STIM1: variants seen among roughly 807,000 people sequenced by gnomAD.
The protein encoded by STIM1 is stromal interaction molecule 1.
A neutral mutation model predicts 74.7 loss-of-function variants in STIM1; 25 were observed. The observed-to-expected ratio is 0.33, with a 90% CI of 0.24 to 0.47. The LOEUF (loss-of-function observed/expected upper bound fraction) is 0.47. Ranked by LOEUF, STIM1 falls within the 20% of genes least tolerant of loss-of-function variation. The probability of loss-of-function intolerance (pLI) is 1.00; values close to 1 mark genes in which losing one functional copy is unlikely to be tolerated. For synonymous variants in STIM1, 328 were observed against 348.8 expected (o/e 0.94, Z 0.66); for missense variants, 728 against 920.8 (o/e 0.79, Z 2.71).
intron 2 of STIM1, among the ~76,000 whole-genome samples, chr11:3,970,869 GT>G (rs913030778): frequency 6.6e-6 from 1 of 151,996 alleles, no homozygotes; most frequent in Non-Finnish European, 1.5e-5. Flanking sequence ...TTTTACATTT[GT>G]TTTTAGGTTG....
chr11:4,046,468 T>C (rs902959469), intron 3 of STIM1, among the ~76,000 whole-genome samples: 1 of 152,028 alleles, frequency 6.6e-6, no homozygotes, highest in African/African-American at 2.4e-5. Flanking sequence ...CCTCTGCAAA[T>C]AGTCTAATCT....
At chr11:3,922,052 T>A (rs1010949142) in intron 1 of STIM1, 5 of 152,222 alleles carry the variant, frequency 3.3e-5, no homozygotes, top group African/African-American at 1.2e-4. Flanking sequence ...AGAAACTGTA[T>A]GAAATAATGT....
At chr11:4,068,808 C>CT (rs1251507668) in intron 5 of STIM1, among the ~76,000 whole-genome samples, 8 of 152,300 alleles carry the variant, frequency 5.3e-5, no homozygotes, top group Admixed American at 1.3e-4. Context: ...GATGGTAACT[C>CT]TTCTTGTCAA....
chr11:3,959,667 A>G (rs2093263480), intron 1 of STIM1, among the ~76,000 whole-genome samples: 1 of 152,182 alleles, frequency 6.6e-6, no homozygotes, highest in African/African-American at 2.4e-5. Flanking sequence ...CTCTGCCTGG[A>G]GAAAGGTGAG....
intron 1 of STIM1, among the ~76,000 whole-genome samples, chr11:3,861,235 A>AT (rs35261978): frequency 5.2e-3 from 714 of 137,906 alleles, no homozygotes; most frequent in Middle Eastern, 0.023. Context: ...TAGTGGTTCT[A>AT]TTTTTTTTTT....
intron 1 of STIM1, among the ~76,000 whole-genome samples, chr11:3,892,118 C>A (rs2091913801): frequency 6.6e-6 from 1 of 152,198 alleles, no homozygotes; most frequent in Admixed American, 6.5e-5. Context: ...AGTGGGGCAG[C>A]TTGTATCTCC....
chr11:3,862,506 G>T (rs879503532), intron 1 of STIM1, among the ~76,000 whole-genome samples: 1 of 152,126 alleles, frequency 6.6e-6, no homozygotes, highest in Non-Finnish European at 1.5e-5. Context: ...ACTCGCCAAG[G>T]GTTATCCCAG....
chr11:4,086,544 G>T lies in STIM1; in HGVS notation c.1634+1G>T, dbSNP rs1427379864. On this transcript the variant is annotated splice_donor_variant, in intron 12 of 12. Transcript: ENST00000526596. LOFTEE classifies it high-confidence loss of function. ...CACAGCATGGCCTGGGATCTCAGAG[G>T]TTGGTAGAGGGCGAGGCTGGCCACT... 1 of 1,614,132 alleles carries T rather than the reference G, an allele frequency of 6.2e-7. No individual in the cohort carries two copies. The highest frequency in any genetic ancestry group is 8.5e-7 in the Non-Finnish European group (1 of 1,180,014).
intron 1 of STIM1, among the ~76,000 whole-genome samples, chr11:3,939,016 G>A (rs913473185): frequency 6.6e-5 from 10 of 152,144 alleles, no homozygotes; most frequent in African/African-American, 2.4e-4. Flanking sequence ...GCAAGGTACT[G>A]TTCTCCCTTT....
chr11:3,908,692 A>C (rs2092510553), intron 1 of STIM1, among the ~76,000 whole-genome samples: 1 of 152,122 alleles, frequency 6.6e-6, no homozygotes, highest in African/African-American at 2.4e-5. Flanking sequence ...TACATTGTCA[A>C]GCTCAAATAA....
chr11:3,971,550 A>G (rs1292905796), intron 2 of STIM1, among the ~76,000 whole-genome samples: 4 of 152,054 alleles, frequency 2.6e-5, no homozygotes, highest in Non-Finnish European at 4.4e-5. Flanking sequence ...AAACAAAAAA[A>G]CAAAACAAAA....
chr11:4,056,154 TC>T (rs1260239588), intron 4 of STIM1, among the ~76,000 whole-genome samples: 1 of 152,126 alleles, frequency 6.6e-6, no homozygotes, highest in African/African-American at 2.4e-5. Context: ...TCTTTTAGCC[TC>T]CCCTGGGTTA....
Position 3,970,074 on chromosome 11 carries a change from C to CTTTTTTTTTTTTTTTTTTTTTTTTT in STIM1, c.270+2408_270+2409insTTTTTTTTTTTTTTTTTTTTTTTTT, listed in dbSNP as rs145136493. Among the ~76,000 whole-genome samples the CTTTTTTTTTTTTTTTTTTTTTTTTT allele has an allele frequency of 4.3e-5, 6 of 139,074 alleles. 1 individual carries two copies. The highest frequency in any genetic ancestry group is 7.8e-5 in the Non-Finnish European group (5 of 64,456). The allele number at this position is 139,074 out of a possible 152,430, so 91.2% of individuals were successfully genotyped here. ...ATATCTTTGTTATATGCTCCTCATC[C>CTTTTTTTTTTTTTTTTTTTTTTTTT]TTTTTTTTTTTTTTTTGTTACATCC... On this transcript the variant is annotated intron_variant, in intron 2 of 12. Coordinates refer to ENST00000526596, the MANE Select transcript of STIM1 (RefSeq NM_001382567.1).
chr11:3,887,305 A>G (rs767391789), intron 1 of STIM1, among the ~76,000 whole-genome samples: 6 of 152,176 alleles, frequency 3.9e-5, no homozygotes, highest in Non-Finnish European at 7.4e-5. Context: ...GCAACAAATA[A>G]ACCTTTAAGC....
intron 2 of STIM1, among the ~76,000 whole-genome samples, chr11:3,999,185 A>C (rs892764833): frequency 2.6e-5 from 4 of 152,188 alleles, no homozygotes; most frequent in Non-Finnish European, 5.9e-5. Context: ...GTCTCTACAA[A>C]AAATGAAGAA....
intron 2 of STIM1, 82 bp from the exon 3 acceptor site, chr11:4,023,791 C>G: frequency 1.0e-6 from 1 of 963,780 alleles, no homozygotes; most frequent in Non-Finnish European, 1.7e-6. Context: ...TTATGGCTAG[C>G]TAGAGGCAGG....
At chr11:4,003,268 G>T (rs376558547) in intron 2 of STIM1, among the ~76,000 whole-genome samples, 29 of 146,868 alleles carry the variant, frequency 2.0e-4, no homozygotes, top group East Asian at 2.0e-4. Flanking sequence ...TACCAAAGCC[G>T]GGCAGAGACA....
chr11:4,063,639 G>A (rs1235228689), intron 5 of STIM1, among the ~76,000 whole-genome samples: 1 of 152,182 alleles, frequency 6.6e-6, no homozygotes, highest in Non-Finnish European at 1.5e-5. Context: ...GCCTCAAACT[G>A]AACTTGCAGT....
intron 2 of STIM1, among the ~76,000 whole-genome samples, chr11:4,007,838 C>T (rs1271733932): frequency 2.0e-5 from 3 of 152,066 alleles, no homozygotes; most frequent in African/African-American, 7.2e-5. Context: ...GTGGTGAGAG[C>T]TGTGGGAAAA....
Sources: gnomAD v4.1 joint callset for allele counts (sites outside exome capture counted in the v4.1 genomes callset) on GRCh38, gnomAD v4.1.1 for gene constraint, MANE v1.5 for transcripts, NCBI Gene and HGNC (gene_info 2026-07-23, HGNC 2026-07-21) for gene names.